The following DZIP1 variants were observed in gnomAD, a reference collection of about 807,000 sequenced individuals.
The protein encoded by DZIP1 is DAZ interacting zinc finger protein 1.
DZIP1 carries 97 observed loss-of-function variants against 107.6 expected under a neutral mutation model. The ratio of observed to expected loss-of-function variants is 0.90; its 90% confidence interval spans 0.77 to 1.07. DZIP1 has a LOEUF of 1.07. DZIP1 is among the 50% of genes least tolerant of loss of function. The pLI is 0.00. For synonymous variants in DZIP1, 390 were observed against 386.4 expected, an observed-to-expected ratio of 1.01 and a Z score of -0.11; for missense variants, 1,035 against 1,063.6, an observed-to-expected ratio of 0.97 and a Z score of 0.37.
At chr13:95,584,447 G>T in intron 22 of DZIP1, 1 of 358,486 alleles carries the variant, frequency 2.8e-6, no homozygotes, top group Non-Finnish European at 3.9e-6. Context: ...AGTGAGCCAT[G>T]ATGGCCTGGG....
intron 15 of DZIP1, among the ~76,000 whole-genome samples, chr13:95,594,939 A>T (rs1350152761): frequency 2.6e-5 from 4 of 152,218 alleles, no homozygotes; most frequent in African/African-American, 9.6e-5. Context: ...AACCTTTAAA[A>T]ATCTGAGTCC....
At chr13:95,640,856 G>C (rs1260103722) in intron 5 of DZIP1, among the ~76,000 whole-genome samples, 1 of 149,026 alleles carries the variant, frequency 6.7e-6, no homozygotes, top group East Asian at 1.9e-4. Flanking sequence ...AAGGGCGCAT[G>C]AAAATTCCTT....
In DZIP1 at chr13:95,642,154, G is replaced by C. The variant is rs767294680; in HGVS notation, c.-125C>G. The C allele has an allele frequency of 1.1e-5, 14 of 1,290,366 alleles. No individual in the cohort carries two copies. The highest frequency in any genetic ancestry group is 2.8e-4 in the Middle Eastern group (1 of 3,548). 79.9% of individuals were successfully genotyped at this position (1,290,366 alleles called of 1,614,324 possible). A position where few individuals can be genotyped will look rare whatever the true frequency, so the allele number is the denominator to read the frequency against. ...GGCGGCGGCGGCCTAAGGTCTGGGC[G>C]TCCAGGACGTTGCTATAGCAGCGCC... On this transcript the variant is annotated 5_prime_UTR_variant, in exon 4 of 23. Coordinates refer to ENST00000376829, the MANE Select transcript of DZIP1 (RefSeq NM_198968.4).
intron 12 of DZIP1, among the ~76,000 whole-genome samples, chr13:95,611,040 A>AT (rs2044987143): frequency 6.6e-6 from 1 of 152,230 alleles, no homozygotes; most frequent in East Asian, 1.9e-4. Flanking sequence ...CCTGCTATAA[A>AT]GCTGAGGAAA....
At chr13:95,587,767 G>T (rs1312423894) in intron 19 of DZIP1, 38 bp from the exon 20 acceptor site, 2 of 1,589,114 alleles carry the variant, frequency 1.3e-6, no homozygotes, top group Admixed American at 1.8e-5. Context: ...CGCTGTTTTC[G>T]TAACGCTTTA....
chr13:95,617,649 G>A (rs1171827582), intron 10 of DZIP1, among the ~76,000 whole-genome samples: 1 of 132,282 alleles, frequency 7.6e-6, no homozygotes, highest in Non-Finnish European at 1.6e-5. Context: ...GAAATTAGCA[G>A]AAAGTCATCA....
rs1209312186 is a variant in DZIP1 at position 95,641,059 on chromosome 13, C to G, written c.597+236G>C. On this transcript the variant is annotated intron_variant, in intron 5 of 22. Transcript: ENST00000376829. The surrounding 1 kb of genome is among the most constrained non-coding windows in gnomAD (Gnocchi z 4.3). ...TCAACAACCAGCATTTAGATAACTT[C>G]CATAAAGCACCACAGACGACATTTG... 6.6e-6 allele frequency among the ~76,000 whole-genome samples: 1 copy of G among 152,170 alleles called. No individual in the cohort carries two copies. Among genetic ancestry groups the G allele is most frequent in the African/African-American group, 2.4e-5 (1 of 41,436 alleles).
At chr13:95,617,306 G>C (rs1594704859) in intron 10 of DZIP1, among the ~76,000 whole-genome samples, 1 of 152,256 alleles carries the variant, frequency 6.6e-6, no homozygotes, top group South Asian at 2.1e-4. Flanking sequence ...CAGCCATGCT[G>C]TGCACTGCTA....
intron 14 of DZIP1, among the ~76,000 whole-genome samples, chr13:95,602,867 T>C (rs1435007731): frequency 6.6e-6 from 1 of 152,200 alleles, no homozygotes; most frequent in Non-Finnish European, 1.5e-5. Flanking sequence ...GGGGAAGCCA[T>C]CTTTCTTTCC....
chr13:95,630,508 A>G (rs896842701), intron 6 of DZIP1, among the ~76,000 whole-genome samples: 2 of 151,996 alleles, frequency 1.3e-5, no homozygotes, highest in African/African-American at 4.8e-5. Flanking sequence ...GCACCACCAT[A>G]CTGAAATCTC....
intron 14 of DZIP1, among the ~76,000 whole-genome samples, chr13:95,604,976 C>T (rs550132028): frequency 5.3e-5 from 8 of 152,132 alleles, no homozygotes; most frequent in Non-Finnish European, 1.0e-4. Context: ...ATGCTCTGAA[C>T]ACTTGTAAAT....
intron 5 of DZIP1, among the ~76,000 whole-genome samples, chr13:95,637,819 T>C (rs1877999366): frequency 6.6e-6 from 1 of 152,198 alleles, no homozygotes; most frequent in Non-Finnish European, 1.5e-5. Context: ...ACCTGTGTTA[T>C]TTTTATGGCA....
Position 95,594,027 on chromosome 13 carries a change from T to C in DZIP1, c.1597A>G (p.Ser533Gly). ...NKMHLRKALKSNSSLTKGLRT... is the reference protein window; with the variant it reads ...NKMHLRKALKGNSSLTKGLRT... ...AGTCCCTTAGTGAGGGAGGAGTTAC[T>C]CTTCAAAGCTTTCCTTAAATGCATT... Residue 533 changes from serine (S) to glycine (G), a missense_variant, in exon 16 of 23, where the codon AGT (serine) becomes GGT (glycine). Coordinates refer to ENST00000376829, the MANE Select transcript of DZIP1 (RefSeq NM_198968.4). 1 of 1,611,494 alleles carries C rather than the reference T, an allele frequency of 6.2e-7. No individual in the cohort carries two copies. The highest frequency in any genetic ancestry group is 8.5e-7 in the Non-Finnish European group (1 of 1,178,862).
At chr13:95,589,089 A>G (rs1317192013) in intron 19 of DZIP1, 65 bp downstream of exon 19, 2 of 1,335,844 alleles carry the variant, frequency 1.5e-6, no homozygotes, top group East Asian at 4.6e-5. Flanking sequence ...CGCTACTTTA[A>G]AATGAAAGGA....
At position 95,643,638 on chromosome 13, in the gene DZIP1, C is replaced by T. The variant is rs1878780554; in HGVS notation, c.-465G>A. 1 of 152,684 alleles carries T rather than the reference C, an allele frequency of 6.5e-6. No individual in the cohort carries two copies. The highest frequency in any genetic ancestry group is 1.5e-5 in the Non-Finnish European group (1 of 68,110). 9.5% of individuals were successfully genotyped at this position (152,684 alleles called of 1,614,324 possible). A position where few individuals can be genotyped will look rare whatever the true frequency, so the allele number is the denominator to read the frequency against. On this transcript the variant is annotated 5_prime_UTR_variant, in exon 2 of 23. Coordinates refer to ENST00000376829, the MANE Select transcript of DZIP1 (RefSeq NM_198968.4). ...TAGATTCTGGACTCCATCCACTGGG[C>T]TGCAGGATCAGCGGGAACAAGAGCT...
chr13:95,639,664 T>C (rs187149571), intron 5 of DZIP1, among the ~76,000 whole-genome samples: 3 of 102,182 alleles, frequency 2.9e-5, no homozygotes, highest in Non-Finnish European at 6.6e-5. Context: ...GCCATTTCTA[T>C]AGTAACCCCA....
intron 13 of DZIP1, among the ~76,000 whole-genome samples, chr13:95,607,909 A>T (rs1010030862): frequency 6.6e-6 from 1 of 152,222 alleles, no homozygotes. Flanking sequence ...GCTTTATATT[A>T]GACATTACAA....
At chr13:95,600,590 T>TAGATAGATAGATA (rs1555306565) in intron 14 of DZIP1, among the ~76,000 whole-genome samples, 7 of 141,784 alleles carry the variant, frequency 4.9e-5, no homozygotes, top group East Asian at 4.2e-4. Context: ...GATAGATAGA[T>TAGATAGATAGATA]GATAGATAGA....
intron 10 of DZIP1, among the ~76,000 whole-genome samples, chr13:95,614,002 T>G (rs1157667729): frequency 6.6e-6 from 1 of 151,982 alleles, no homozygotes; most frequent in Non-Finnish European, 1.5e-5. Context: ...GGGGTTAGCC[T>G]GTAGTCCTAG....
Sources: gnomAD v4.1 joint callset for allele counts (sites outside exome capture counted in the v4.1 genomes callset) on GRCh38, gnomAD v4.1.1 for gene constraint, Gnocchi (gnomAD v3.1) non-coding constraint, MANE v1.5 for transcripts, NCBI Gene and HGNC (gene_info 2026-07-23, HGNC 2026-07-21) for gene names.